SH3GL3: variants seen among roughly 807,000 people sequenced by gnomAD.
SH3GL3 encodes the protein SH3 domain containing GRB2 like 3, endophilin A3.
Under a neutral mutation model 47.7 loss-of-function variants are expected in SH3GL3, and 33 were observed. The observed-to-expected ratio is 0.69, with a 90% CI of 0.52 to 0.92. The LOEUF (loss-of-function observed/expected upper bound fraction) is 0.92. SH3GL3 is among the 40% of genes least tolerant of loss of function. The pLI is 0.00. For synonymous variants in SH3GL3, 155 were observed against 148.8 expected (o/e 1.04, Z -0.30); for missense variants, 363 against 417.8 (o/e 0.87, Z 1.14).
intron 8 of SH3GL3, among the ~76,000 whole-genome samples, chr15:83,617,781 C>A (rs147160376): frequency 6.6e-6 from 1 of 152,172 alleles, no homozygotes; most frequent in African/African-American, 2.4e-5. Context: ...ATTCCTCTGT[C>A]GCTCCCTTAG....
intron 1 of SH3GL3, among the ~76,000 whole-genome samples, chr15:83,495,611 C>T (rs935316990): frequency 6.6e-6 from 1 of 152,102 alleles, no homozygotes; most frequent in African/African-American, 2.4e-5. Flanking sequence ...GTGATGCACA[C>T]CTGAAGTCCT....
chr15:83,568,780 C>A, intron 4 of SH3GL3, 108 bp downstream of exon 4: 1 of 711,758 alleles, frequency 1.4e-6, no homozygotes, highest in Non-Finnish European at 2.3e-6. Context: ...TCCATATTAC[C>A]AAAGTAATAC....
chr15:83,514,261 T>C (rs1334125120), intron 1 of SH3GL3, among the ~76,000 whole-genome samples: 16 of 152,234 alleles, frequency 1.1e-4, no homozygotes, highest in Non-Finnish European at 1.5e-5. Context: ...TGAAAAACTT[T>C]TCCCACTGGC....
At chr15:83,594,063 C>A (rs2060178155) in intron 8 of SH3GL3, among the ~76,000 whole-genome samples, 1 of 152,194 alleles carries the variant, frequency 6.6e-6, no homozygotes, top group Non-Finnish European at 1.5e-5. Flanking sequence ...AAGCTATTCG[C>A]CTGCTTCGGC....
the SH3GL3 span, among the ~76,000 whole-genome samples, chr15:83,628,192 C>G: frequency 6.6e-6 from 1 of 152,246 alleles, no homozygotes; most frequent in East Asian, 1.9e-4. Flanking sequence ...ATCCACCTAT[C>G]CAACTAGCCA....
intron 1 of SH3GL3, among the ~76,000 whole-genome samples, chr15:83,453,598 G>A (rs1456378925): frequency 5.9e-5 from 9 of 151,512 alleles, no homozygotes; most frequent in Non-Finnish European, 1.2e-4. Flanking sequence ...TTTGCGTAGA[G>A]GTGTTTGTAG....
chr15:83,576,765 G>A (rs769398765), intron 6 of SH3GL3, 24 bp downstream of exon 6: 6 of 1,480,576 alleles, frequency 4.1e-6, no homozygotes, highest in Non-Finnish European at 4.7e-6. Context: ...CCAAATAGGA[G>A]ATTTTAATGT....
intron 8 of SH3GL3, among the ~76,000 whole-genome samples, chr15:83,599,956 T>C (rs1175698363): frequency 6.6e-6 from 1 of 152,242 alleles, no homozygotes; most frequent in African/African-American, 2.4e-5. Context: ...TGTTGAGCAT[T>C]TTTTTCATGT....
intron 8 of SH3GL3, among the ~76,000 whole-genome samples, chr15:83,593,686 C>T (rs1245411225): frequency 6.6e-6 from 1 of 152,130 alleles, no homozygotes; most frequent in Non-Finnish European, 1.5e-5. Context: ...GTTTTTCTTG[C>T]CTTTTTTCAC....
chr15:83,472,435 T>C (rs2040874476), intron 1 of SH3GL3, among the ~76,000 whole-genome samples: 1 of 152,222 alleles, frequency 6.6e-6, no homozygotes, highest in African/African-American at 2.4e-5. Flanking sequence ...TTGTTCAGAT[T>C]GGGTAATTTT....
At position 83,462,088 on chromosome 15, in the gene SH3GL3, T is replaced by C. The variant is rs144151557; in HGVS notation, c.45+14510T>C. Reference sequence around the variant, plus strand: ...AATTACTAACAATGGAAACCATTCTTTTCTAAAGCGCTGTAAGCTAAAACT... The same window carrying C: ...AATTACTAACAATGGAAACCATTCTCTTCTAAAGCGCTGTAAGCTAAAACT... On this transcript the variant is annotated intron_variant, in intron 1 of 8. Transcript: ENST00000427482. Among the ~76,000 whole-genome samples, 30 of 152,346 alleles carry C rather than the reference T, an allele frequency of 2.0e-4. No individual in the cohort carries two copies. In the East Asian group the frequency reaches 5.8e-3, roughly 29 times the overall value.
At chr15:83,613,637 A>G (rs1259131262) in intron 8 of SH3GL3, among the ~76,000 whole-genome samples, 1 of 145,850 alleles carries the variant, frequency 6.9e-6, no homozygotes, top group African/African-American at 2.7e-5. Flanking sequence ...CTATCTATCT[A>G]TCTATCTATC....
chr15:83,535,446 G>A (rs2043862128), intron 1 of SH3GL3, among the ~76,000 whole-genome samples: 1 of 152,054 alleles, frequency 6.6e-6, no homozygotes, highest in Non-Finnish European at 1.5e-5. Flanking sequence ...ACTCGACATT[G>A]TCCTTATCAG....
intron 6 of SH3GL3, among the ~76,000 whole-genome samples, chr15:83,578,199 G>A (rs2151785787): frequency 6.6e-6 from 1 of 152,290 alleles, no homozygotes; most frequent in East Asian, 1.9e-4. Context: ...AGCTGGGGGT[G>A]GCCTCCCTGC....
chr15:83,487,976 A>C (rs1027124353), intron 1 of SH3GL3: 2 of 150,904 alleles, frequency 1.3e-5, no homozygotes, highest in African/African-American at 4.9e-5. Flanking sequence ...CCTGGGTTCA[A>C]GTGATTCCCC....
At chr15:83,520,246 A>T (rs888792487) in intron 1 of SH3GL3, among the ~76,000 whole-genome samples, 1 of 152,202 alleles carries the variant, frequency 6.6e-6, no homozygotes, top group African/African-American at 2.4e-5. Flanking sequence ...TGGACAGTAA[A>T]CAAGTCTGTC....
chr15:83,531,103 C>G (rs1200415498), intron 1 of SH3GL3, among the ~76,000 whole-genome samples: 1 of 152,144 alleles, frequency 6.6e-6, no homozygotes, highest in Non-Finnish European at 1.5e-5. Flanking sequence ...TTTCAGGGAT[C>G]CTTCAGTTCA....
intron 1 of SH3GL3, among the ~76,000 whole-genome samples, chr15:83,557,609 C>A (rs1268233889): frequency 6.6e-6 from 1 of 152,212 alleles, no homozygotes; most frequent in African/African-American, 2.4e-5. Context: ...TGCAGGTCAG[C>A]TGGGTGGCTC....
At chr15:83,552,776 G>A (rs1398069520) in intron 1 of SH3GL3, among the ~76,000 whole-genome samples, 1 of 152,082 alleles carries the variant, frequency 6.6e-6, no homozygotes, top group Non-Finnish European at 1.5e-5. Context: ...TGTTTGATAT[G>A]TCAGTTTTCT....
Sources: gnomAD v4.1 joint callset for allele counts (sites outside exome capture counted in the v4.1 genomes callset) on GRCh38, gnomAD v4.1.1 for gene constraint, MANE v1.5 for transcripts, NCBI Gene and HGNC (gene_info 2026-07-23, HGNC 2026-07-21) for gene names.